Variants in FGF12 observed in about 807,000 individuals in gnomAD.
The protein encoded by FGF12 is fibroblast growth factor 12, also known as fibroblast growth factor 12B.
FGF12 carries 14 observed loss-of-function variants against 23.6 expected under a neutral mutation model. The observed-to-expected ratio is 0.59, with a 90% confidence interval of 0.39 to 0.93. The LOEUF (loss-of-function observed/expected upper bound fraction) is 0.93, where lower values mean the gene tolerates loss of function less well. Among genes scored for constraint, FGF12 ranks in the 40% least tolerant of loss-of-function variants. FGF12 has a pLI of 0.00. For synonymous variants in FGF12, 62 were observed against 77.3 expected (o/e 0.80, Z 1.04); for missense variants, 175 against 217.8 (o/e 0.80, Z 1.24).
chr3:192,544,282 G>C (rs1725442569), intron 2 of FGF12, among the ~76,000 whole-genome samples: 1 of 152,112 alleles, frequency 6.6e-6, no homozygotes, highest in South Asian at 2.1e-4. Context: ...GGCAATTCAA[G>C]GCTCTCTTTT....
At chr3:192,228,096 T>C (rs745642370) in intron 4 of FGF12, among the ~76,000 whole-genome samples, 47 of 152,192 alleles carry the variant, frequency 3.1e-4, no homozygotes, top group South Asian at 8.3e-4. Context: ...ATGGTGACGA[T>C]AGTTAACAAT....
chr3:192,713,679 C>T (rs1718766948), intron 2 of FGF12, among the ~76,000 whole-genome samples: 1 of 152,184 alleles, frequency 6.6e-6, no homozygotes, highest in South Asian at 2.1e-4. Flanking sequence ...ATCTGTCTAA[C>T]TGCACCTTAT....
At chr3:192,467,226 C>T (rs192658429) in intron 2 of FGF12, among the ~76,000 whole-genome samples, 19 of 152,226 alleles carry the variant, frequency 1.2e-4, no homozygotes, top group African/African-American at 3.1e-4. Flanking sequence ...ACTGCATGGG[C>T]CTGGGTTCTG....
chr3:192,581,454 G>A (rs931994030), intron 2 of FGF12, among the ~76,000 whole-genome samples: 1 of 130,196 alleles, frequency 7.7e-6, no homozygotes, highest in East Asian at 2.3e-4. Flanking sequence ...ATATGTGTGT[G>A]TATATATATA....
At chr3:192,220,626 C>A (rs1014758815) in intron 4 of FGF12, among the ~76,000 whole-genome samples, 5 of 152,138 alleles carry the variant, frequency 3.3e-5, no homozygotes, top group Non-Finnish European at 5.9e-5. Context: ...CACACACAGA[C>A]AACATATTAG....
chr3:192,596,782 G>A (rs771694352), intron 2 of FGF12, among the ~76,000 whole-genome samples: 3 of 152,236 alleles, frequency 2.0e-5, no homozygotes, highest in South Asian at 2.1e-4. Context: ...ATTTACACAC[G>A]GCAGCTTTGC....
intron 2 of FGF12, among the ~76,000 whole-genome samples, chr3:192,668,984 T>G (rs1381376198): frequency 6.6e-6 from 1 of 151,760 alleles, no homozygotes; most frequent in Non-Finnish European, 1.5e-5. Context: ...ATAAGAAAAA[T>G]GCAAAACGTG....
At chr3:192,573,466 A>C (rs1016496347) in intron 2 of FGF12, among the ~76,000 whole-genome samples, 35 of 152,092 alleles carry the variant, frequency 2.3e-4, no homozygotes, top group Non-Finnish European at 3.2e-4. Flanking sequence ...GAGTAGAACA[A>C]AAAGTTAACT....
intron 2 of FGF12, among the ~76,000 whole-genome samples, chr3:192,557,324 G>T (rs1298960327): frequency 6.7e-6 from 1 of 149,056 alleles, no homozygotes; most frequent in African/African-American, 2.5e-5. Context: ...AAACAGATAA[G>T]TCTAAAAAAA....
intron 2 of FGF12, among the ~76,000 whole-genome samples, chr3:192,689,599 A>G (rs1199848772): frequency 6.6e-6 from 1 of 152,048 alleles, no homozygotes; most frequent in Admixed American, 6.5e-5. Flanking sequence ...TAGAAGACAG[A>G]TTGTTTTATA....
At chr3:192,154,114 G>A (rs1714206951) in intron 5 of FGF12, among the ~76,000 whole-genome samples, 1 of 117,584 alleles carries the variant, frequency 8.5e-6, no homozygotes, top group African/African-American at 3.2e-5. Flanking sequence ...ATCGGCTCCT[G>A]AGGCTTCTGC....
chr3:192,170,967 T>C (rs1305501386), intron 4 of FGF12, among the ~76,000 whole-genome samples: 4 of 152,216 alleles, frequency 2.6e-5, no homozygotes, highest in Admixed American at 6.5e-5. Context: ...ACTAAAGTGA[T>C]TGGCCATTCC....
chr3:192,229,248 T>C (rs1018481371), intron 4 of FGF12, among the ~76,000 whole-genome samples: 1 of 151,952 alleles, frequency 6.6e-6, no homozygotes, highest in Non-Finnish European at 1.5e-5. Flanking sequence ...CCCAAGAATG[T>C]CTTTCCATTT....
chr3:192,245,943 A>C (rs1159201569), intron 4 of FGF12, among the ~76,000 whole-genome samples: 1 of 152,230 alleles, frequency 6.6e-6, no homozygotes, highest in Non-Finnish European at 1.5e-5. Context: ...TAGGACAATT[A>C]AGTTTTAAGT....
chr3:192,408,821 C>A lies in FGF12; in HGVS notation c.14-48283G>T. On this transcript the variant is annotated intron_variant, in intron 2 of 5. Transcript: ENST00000445105. The surrounding 1 kb of genome is among the most constrained non-coding windows in gnomAD (Gnocchi z 7.3). The stretch of plus-strand genomic sequence containing the variant: ...GCACGAGAGAAGGAGAGGAAGGCAG[C>A]AATTTAACTCCCTGCGGCCCGCGGT... 1.0e-6 allele frequency: 1 copy of A among 985,640 alleles called. No individual in the cohort carries two copies. The highest frequency in any genetic ancestry group is 1.2e-6 in the Non-Finnish European group (1 of 830,118). 61.1% of individuals were successfully genotyped at this position (985,640 alleles called of 1,614,324 possible). A position where few individuals can be genotyped will look rare whatever the true frequency, so the allele number is the denominator to read the frequency against.
intron 4 of FGF12, among the ~76,000 whole-genome samples, chr3:192,173,909 A>C (rs1358394744): frequency 2.0e-5 from 3 of 152,214 alleles, no homozygotes; most frequent in Admixed American, 2.0e-4. Flanking sequence ...ACAATTTGGC[A>C]CCTTTATCTA....
rs1336952835 is a variant in FGF12, at chr3:192,408,999, G to A, written c.14-48461C>T. The A allele has an allele frequency of 1.0e-5, 10 of 984,352 alleles. No homozygotes were observed. The African/African-American group carries it at 1.4e-4, about 14-fold the overall frequency. 61.0% of individuals were successfully genotyped at this position (984,352 alleles called of 1,614,324 possible). A position where few individuals can be genotyped will look rare whatever the true frequency, so the allele number is the denominator to read the frequency against. On this transcript the variant is annotated intron_variant, in intron 2 of 5. Transcript: ENST00000445105. The surrounding 1 kb of genome is among the most constrained non-coding windows in gnomAD (Gnocchi z 7.3). Reference sequence around the variant, plus strand: ...CGGAGTCTGGGTAGGGGCGCGGGGCGGGGGCAGCTGTTTCCAGCTGCGGTG... The same window carrying A: ...CGGAGTCTGGGTAGGGGCGCGGGGCAGGGGCAGCTGTTTCCAGCTGCGGTG...
chr3:192,459,494 C>T (rs1722788177), intron 2 of FGF12, among the ~76,000 whole-genome samples: 1 of 152,308 alleles, frequency 6.6e-6, no homozygotes, highest in African/African-American at 2.4e-5. Flanking sequence ...TGTGCAGTAA[C>T]AACATTACAA....
intron 2 of FGF12, among the ~76,000 whole-genome samples, chr3:192,681,871 C>A (rs561134527): frequency 1.3e-5 from 2 of 152,172 alleles, no homozygotes; most frequent in African/African-American, 4.8e-5. Context: ...CTGAGGGTCA[C>A]CATAGAATGA....
Sources: gnomAD v4.1 joint callset for allele counts (sites outside exome capture counted in the v4.1 genomes callset) on GRCh38, gnomAD v4.1.1 for gene constraint, Gnocchi (gnomAD v3.1) non-coding constraint, MANE v1.5 for transcripts, NCBI Gene and HGNC (gene_info 2026-07-23, HGNC 2026-07-21) for gene names.